FPR3: variants seen among roughly 807,000 people sequenced by gnomAD.
FPR3 encodes N-formyl peptide receptor 3.
For missense variants in FPR3, 346 were observed against 443.2 expected (o/e 0.78, Z 1.97); for synonymous variants, 135 against 163.6 (o/e 0.83, Z 1.34).
chr19:51,803,876 C>T (rs1169685605), intron 1 of FPR3: 1 of 152,174 alleles, frequency 6.6e-6, no homozygotes, highest in Non-Finnish European at 1.5e-5. Flanking sequence ...TTAGGAGTTT[C>T]CATTGTGGAT....
At chr19:51,822,276 T>C (rs1599841247) in intron 1 of FPR3, among the ~76,000 whole-genome samples, 1 of 152,268 alleles carries the variant, frequency 6.6e-6, no homozygotes, top group East Asian at 1.9e-4. Flanking sequence ...TTTCCACCAA[T>C]AAAGCAATCC....
intron 1 of FPR3, among the ~76,000 whole-genome samples, chr19:51,810,789 T>A (rs548581979): frequency 6.6e-6 from 1 of 152,194 alleles, no homozygotes; most frequent in Non-Finnish European, 1.5e-5. Flanking sequence ...TTTACCACTC[T>A]CGCTTTTAAT....
At chr19:51,814,486 T>TTTGG (rs1568430394) in intron 1 of FPR3, among the ~76,000 whole-genome samples, 1 of 151,280 alleles carries the variant, frequency 6.6e-6, no homozygotes, top group African/African-American at 2.4e-5. Flanking sequence ...GGTTTTTGTT[T>TTTGG]TTTGTTTGTT....
chr19:51,824,631 A>T lies in FPR3; in HGVS notation c.883A>T (p.Ser295Cys). The change falls in exon 2 of 2, where the codon AGC (serine) becomes TGC (cysteine). Residue 295 changes from serine to cysteine, a missense_variant. Coordinates refer to ENST00000339223, the MANE Select transcript of FPR3 (RefSeq NM_002030.5). The surrounding 1 kb of genome is among the most constrained non-coding windows in gnomAD (Gnocchi z 4.7). ...AACAAGCTCCTTGGCCTTTTTTAAC[A>T]GCTGCCTCAACCCAATTCTCTACGT... is the stretch of plus-strand genomic sequence containing the variant. ...NPTSSLAFFNSCLNPILYVFM... is the reference protein window; with the variant it reads ...NPTSSLAFFNCCLNPILYVFM... 1 of 1,614,134 alleles carries T rather than the reference A, an allele frequency of 6.2e-7. No individual in the cohort carries two copies. The highest frequency in any genetic ancestry group is 8.5e-7 in the Non-Finnish European group (1 of 1,180,012).
chr19:51,797,106 G>A (rs778237879), intron 1 of FPR3, among the ~76,000 whole-genome samples: 2 of 152,182 alleles, frequency 1.3e-5, no homozygotes, highest in Non-Finnish European at 1.5e-5. Flanking sequence ...TTTGAAAAGG[G>A]AGAAAGTGAT....
intron 1 of FPR3, among the ~76,000 whole-genome samples, chr19:51,809,969 G>A (rs1269717181): frequency 6.6e-6 from 1 of 152,150 alleles, no homozygotes; most frequent in Non-Finnish European, 1.5e-5. Context: ...GAAATTTTGA[G>A]CGGCACTGAT....
intron 1 of FPR3, among the ~76,000 whole-genome samples, chr19:51,818,182 C>T (rs960714971): frequency 1.3e-5 from 2 of 152,094 alleles, no homozygotes; most frequent in African/African-American, 4.8e-5. Flanking sequence ...TAAAATGCAT[C>T]TCATGTCTTC....
chr19:51,797,877 C>CTTTTTTTTTTTTTTTTTTTTTTTTT (rs753127261), intron 1 of FPR3, among the ~76,000 whole-genome samples: 1 of 71,518 alleles, frequency 1.4e-5, no homozygotes, highest in East Asian at 5.1e-4. Context: ...CATGTCTATT[C>CTTTTTTTTTTTTTTTTTTTTTTTTT]TTTTTTTTTT....
At chr19:51,807,148 CT>C (rs928014698) in intron 1 of FPR3, among the ~76,000 whole-genome samples, 2 of 152,134 alleles carry the variant, frequency 1.3e-5, no homozygotes, top group Admixed American at 1.3e-4. Flanking sequence ...CAGCTTGCCT[CT>C]AGTGGACAAT....
In FPR3 at chr19:51,802,771, C is replaced by T. The variant is rs539804006; in HGVS notation, c.-11+7440C>T. Among the ~76,000 whole-genome samples, 193 of 152,260 alleles carry T rather than the reference C, an allele frequency of 1.3e-3. 2 individuals carry two copies. The highest frequency in any genetic ancestry group is 4.4e-3 in the African/African-American group (183 of 41,544). ...CTTCTATTCTTACTTTTTAAGAGTT[C>T]TCTTCTTCTATTGCTTAAATTATGA... On this transcript the variant is annotated intron_variant, in intron 1 of 1. Coordinates refer to ENST00000339223, the MANE Select transcript of FPR3 (RefSeq NM_002030.5).
At chr19:51,802,657 A>T (rs2084032100) in intron 1 of FPR3, among the ~76,000 whole-genome samples, 2 of 152,338 alleles carry the variant, frequency 1.3e-5, no homozygotes, top group South Asian at 4.1e-4. Context: ...TATATATTAA[A>T]GGGAAAACTT....
At position 51,825,646 on chromosome 19, in the gene FPR3, A is replaced by C. The variant is rs1337300446; in HGVS notation, c.*836A>C. 1 of 167,148 alleles carries C rather than the reference A, an allele frequency of 6.0e-6. No homozygotes were observed. Among genetic ancestry groups the C allele is most frequent in the East Asian group, 1.9e-4 (1 of 5,200 alleles). 10.4% of individuals were successfully genotyped at this position (167,148 alleles called of 1,614,324 possible). On this transcript the variant is annotated 3_prime_UTR_variant, in exon 2 of 2. Transcript: ENST00000339223. ...CATACATCTTAATACCAGATACCCTAATCCCAGTCCTAACTTCATTTAACC... is the reference window on the plus strand; with the variant it reads ...CATACATCTTAATACCAGATACCCTCATCCCAGTCCTAACTTCATTTAACC...
At chr19:51,797,874 A>AGTATTTTTTTTT (rs2084008686) in intron 1 of FPR3, among the ~76,000 whole-genome samples, 1 of 35,724 alleles carries the variant, frequency 2.8e-5, no homozygotes, top group East Asian at 1.1e-3. Flanking sequence ...TTCCATGTCT[A>AGTATTTTTTTTT]TTCTTTTTTT....
rs748879160 is a variant in FPR3, at chr19:51,825,154, C to A, written c.*344C>A. On this transcript the variant is annotated 3_prime_UTR_variant, in exon 2 of 2. Transcript: ENST00000339223. ...GCTTCAATCAGGGTTCCCACTACCCCCTCTTTGGGGGTAGAGTGGCTCATG... is the reference window on the plus strand; with the variant it reads ...GCTTCAATCAGGGTTCCCACTACCCACTCTTTGGGGGTAGAGTGGCTCATG... The A allele has an allele frequency of 8.5e-6, 2 of 235,742 alleles. No homozygotes were observed. The highest frequency in any genetic ancestry group is 1.3e-4 in the South Asian group (1 of 8,000). The allele number at this position is 235,742 out of a possible 1,614,324, so 14.6% of individuals were successfully genotyped here.
At chr19:51,820,261 G>A (rs2084178269) in intron 1 of FPR3, among the ~76,000 whole-genome samples, 1 of 152,204 alleles carries the variant, frequency 6.6e-6, no homozygotes, top group African/African-American at 2.4e-5. Flanking sequence ...ATTCCAATCT[G>A]TAATCATACA....
intron 1 of FPR3, among the ~76,000 whole-genome samples, chr19:51,815,429 G>A (rs887574735): frequency 2.6e-5 from 4 of 151,794 alleles, no homozygotes; most frequent in African/African-American, 7.3e-5. Flanking sequence ...GCATGGTGAT[G>A]TGCGCCTGTA....
At chr19:51,802,780 T>C (rs1000897721) in intron 1 of FPR3, among the ~76,000 whole-genome samples, 1 of 152,262 alleles carries the variant, frequency 6.6e-6, no homozygotes, top group Non-Finnish European at 1.5e-5. Flanking sequence ...TCTCTTCTTC[T>C]ATTGCTTAAA....
At chr19:51,823,678 G>T in intron 1 of FPR3, 61 bp from the exon 2 acceptor site, 1 of 1,281,914 alleles carries the variant, frequency 7.8e-7, no homozygotes, top group Non-Finnish European at 1.1e-6. Flanking sequence ...GGAAGTTAAT[G>T]AATAGTTGTA....
rs1361472024 is a variant in FPR3, at chr19:51,795,501, A to ATTTTTTTTTTTT, written c.-11+172_-11+173insTTTTTTTTTTTT. ...TAATTTGGTTACATGTTCCAGTAAC[A>ATTTTTTTTTTTT]TTCTTTTTTTTTTTTTTTTTTTTTT... On this transcript the variant is annotated intron_variant, in intron 1 of 1. Coordinates refer to ENST00000339223, the MANE Select transcript of FPR3 (RefSeq NM_002030.5). Among the ~76,000 whole-genome samples, 141 of 77,078 alleles carry ATTTTTTTTTTTT rather than the reference A, an allele frequency of 1.8e-3. 10 individuals carry two copies. The highest frequency in any genetic ancestry group is 2.2e-3 in the Non-Finnish European group (96 of 43,256). 50.6% of individuals were successfully genotyped at this position (77,078 alleles called of 152,430 possible).
Sources: allele counts gnomAD v4.1 joint callset (sites outside exome capture counted in the v4.1 genomes callset), GRCh38; gene constraint gnomAD v4.1.1; non-coding constraint Gnocchi (gnomAD v3.1); transcripts MANE v1.5; gene names NCBI Gene and HGNC (gene_info 2026-07-23, HGNC 2026-07-21).